STX8: variants seen among roughly 807,000 people sequenced by gnomAD.
The protein encoded by STX8 is syntaxin 8.
Under a neutral mutation model 37.5 loss-of-function variants are expected in STX8, and 23 were observed. That is an observed-to-expected ratio of 0.61 (90% CI 0.44 to 0.87). STX8 has a LOEUF of 0.87. STX8 is among the 40% of genes least tolerant of loss of function. The probability of loss-of-function intolerance (pLI) is 0.00; values close to 1 mark genes in which losing one functional copy is unlikely to be tolerated. For missense variants in STX8, 313 were observed against 284.7 expected, an observed-to-expected ratio of 1.10 and a Z score of -0.71; for synonymous variants, 115 against 99.1, an observed-to-expected ratio of 1.16 and a Z score of -0.95.
chr17:9,494,461 A>G (rs1488636237), intron 5 of STX8, among the ~76,000 whole-genome samples: 1 of 151,628 alleles, frequency 6.6e-6, no homozygotes, highest in Non-Finnish European at 1.5e-5. Context: ...TGTCTCTACT[A>G]AAAATACAAA....
intron 4 of STX8, among the ~76,000 whole-genome samples, chr17:9,543,656 C>T (rs539438751): frequency 6.6e-6 from 1 of 152,236 alleles, no homozygotes; most frequent in African/African-American, 2.4e-5. Flanking sequence ...TTCTCTTTGA[C>T]CAACCTGGAC....
At chr17:9,312,519 G>A (rs984979035) in intron 7 of STX8, among the ~76,000 whole-genome samples, 7 of 152,086 alleles carry the variant, frequency 4.6e-5, no homozygotes, top group Non-Finnish European at 4.4e-5. Context: ...ACATTTTAAG[G>A]GATATCATAA....
At chr17:9,391,942 C>A (rs1912237659) in intron 6 of STX8, among the ~76,000 whole-genome samples, 1 of 152,084 alleles carries the variant, frequency 6.6e-6, no homozygotes, top group African/African-American at 2.4e-5. Context: ...GGAGCTGACC[C>A]CAAATAGTAT....
chr17:9,419,138 G>T (rs1413898073), intron 6 of STX8, among the ~76,000 whole-genome samples: 2 of 151,790 alleles, frequency 1.3e-5, no homozygotes, highest in Non-Finnish European at 2.9e-5. Flanking sequence ...TGTTGTTCAG[G>T]CTGGTCCAGA....
At chr17:9,405,488 T>G (rs898728992) in intron 6 of STX8, among the ~76,000 whole-genome samples, 1 of 152,220 alleles carries the variant, frequency 6.6e-6, no homozygotes, top group Admixed American at 6.5e-5. Flanking sequence ...CTAGGCCTTC[T>G]TGTACAACGA....
At chr17:9,431,453 G>GTTTTGT (rs1567558225) in intron 6 of STX8, among the ~76,000 whole-genome samples, 2 of 115,318 alleles carry the variant, frequency 1.7e-5, no homozygotes, top group African/African-American at 6.7e-5. Context: ...TTGTTGTTTT[G>GTTTTGT]TTTTTTTTGT....
rs574984339 is a variant in STX8 at position 9,489,078 on chromosome 17, C to T, written c.541+2751G>A. On this transcript the variant is annotated intron_variant, in intron 6 of 7. Transcript: ENST00000306357. ...GTTTAGTACAGGTGGGGTTTTACCACGTTGGCCAGGCTGGTCTCGAACTCC... is the reference window on the plus strand; with the variant it reads ...GTTTAGTACAGGTGGGGTTTTACCATGTTGGCCAGGCTGGTCTCGAACTCC... Among the ~76,000 whole-genome samples the T allele has an allele frequency of 5.9e-5, 9 of 152,170 alleles. 1 individual carries two copies. In the East Asian group the frequency reaches 7.7e-4, roughly 13 times the overall value.
At chr17:9,346,956 C>T (rs139173345) in intron 7 of STX8, among the ~76,000 whole-genome samples, 57 of 152,092 alleles carry the variant, frequency 3.7e-4, no homozygotes, top group African/African-American at 1.3e-3. Flanking sequence ...GGAGAAACCC[C>T]GTCTCTACTA....
intron 7 of STX8, among the ~76,000 whole-genome samples, chr17:9,337,672 C>G (rs941063428): frequency 5.3e-5 from 8 of 152,272 alleles, no homozygotes; most frequent in African/African-American, 1.9e-4. Context: ...CGGCCAGAAC[C>G]TGCGTATTAA....
At chr17:9,392,138 A>T (rs1912244376) in intron 6 of STX8, among the ~76,000 whole-genome samples, 1 of 152,188 alleles carries the variant, frequency 6.6e-6, no homozygotes, top group South Asian at 2.1e-4. Flanking sequence ...AAAAAATATC[A>T]ACATCTCTGT....
chr17:9,511,355 C>T (rs1905013362), intron 4 of STX8, among the ~76,000 whole-genome samples: 1 of 151,962 alleles, frequency 6.6e-6, no homozygotes, highest in Non-Finnish European at 1.5e-5. Flanking sequence ...ACACAAAAAT[C>T]CTCAATACTA....
chr17:9,340,649 A>ATTTTTTTTTTTTTTTTTTTTTTTT (rs66679333), intron 7 of STX8, among the ~76,000 whole-genome samples: 1 of 62,100 alleles, frequency 1.6e-5, no homozygotes, highest in African/African-American at 6.9e-5. Flanking sequence ...GTTGCACTTG[A>ATTTTTTTTTTTTTTTTTTTTTTTT]TTTTTTTTTT....
chr17:9,304,525 A>G (rs12949035), intron 7 of STX8, among the ~76,000 whole-genome samples: 15,768 of 147,022 alleles, frequency 0.11, 1,091 homozygotes, highest in Non-Finnish European at 0.16. Context: ...AAAAAAAAAA[A>G]AAAAGAAAAA....
intron 6 of STX8, among the ~76,000 whole-genome samples, chr17:9,393,614 C>T (rs1180799108): frequency 6.6e-6 from 1 of 152,074 alleles, no homozygotes; most frequent in Admixed American, 6.6e-5. Context: ...GATACTGATT[C>T]TAAGTAGACT....
chr17:9,510,899 A>G (rs1905001268), intron 4 of STX8, among the ~76,000 whole-genome samples: 2 of 152,086 alleles, frequency 1.3e-5, no homozygotes, highest in Non-Finnish European at 2.9e-5. Flanking sequence ...GACTCAAACA[A>G]ATAAAATCAG....
At chr17:9,525,298 G>A (rs1487427897) in intron 4 of STX8, among the ~76,000 whole-genome samples, 1 of 151,592 alleles carries the variant, frequency 6.6e-6, no homozygotes, top group Non-Finnish European at 1.5e-5. Flanking sequence ...ATAAATACAT[G>A]GTCTTCTCAG....
At chr17:9,496,239 C>T (rs1904397716) in intron 5 of STX8, among the ~76,000 whole-genome samples, 1 of 152,126 alleles carries the variant, frequency 6.6e-6, no homozygotes, top group Non-Finnish European at 1.5e-5. Context: ...CAATGTCCAG[C>T]TAATTTTTGT....
rs1567584380 is a variant in STX8, at chr17:9,491,876, T to C, written c.494A>G (p.Gln165Arg). 1 of 1,614,050 alleles carries C rather than the reference T, an allele frequency of 6.2e-7. No homozygotes were observed. The highest frequency in any genetic ancestry group is 8.5e-7 in the Non-Finnish European group (1 of 1,179,998). ...LDALSSIISR[Q>R]KQMGQEIGNE... ...CCCAATTTCCTGCCCCATTTGTTTT[T>C]GGCGACTTATGATAGAGGAAAGGGC... The change falls in exon 6 of 8, where the codon CAA becomes CGA. Residue 165 changes from glutamine to arginine, a missense_variant. Physicochemically the swap from Gln to Arg is conservative, Grantham distance 43 (BLOSUM62 1). Coordinates refer to ENST00000306357, the MANE Select transcript of STX8 (RefSeq NM_004853.3).
intron 3 of STX8, 117 bp from the exon 4 acceptor site, chr17:9,545,399 C>G: frequency 2.8e-6 from 2 of 716,614 alleles, no homozygotes; most frequent in Non-Finnish European, 4.8e-6. Flanking sequence ...CACTACTACC[C>G]AGAAGGGATG....
Sources: gnomAD v4.1 joint callset for allele counts (sites outside exome capture counted in the v4.1 genomes callset) on GRCh38, gnomAD v4.1.1 for gene constraint, MANE v1.5 for transcripts, NCBI Gene and HGNC (gene_info 2026-07-23, HGNC 2026-07-21) for gene names.